Variants in MLLT6 observed in about 807,000 individuals in gnomAD.
The protein encoded by MLLT6 is protein AF-17.
In MLLT6, 22 loss-of-function variants were observed where a neutral mutation model predicts 103.0. The observed-to-expected ratio is 0.21, with a 90% CI of 0.15 to 0.31. The LOEUF (loss-of-function observed/expected upper bound fraction) is 0.31. MLLT6 is among the 10% of genes least tolerant of loss of function. The pLI is 1.00. For synonymous variants in MLLT6, 606 were observed against 623.5 expected (o/e 0.97, Z 0.42); for missense variants, 1,199 against 1,441.7 (o/e 0.83, Z 2.73).
At chr17:38,706,856 T>G (rs1356225633) in intron 1 of MLLT6, 94 bp from the exon 2 acceptor site, 2 of 1,042,398 alleles carry the variant, frequency 1.9e-6, no homozygotes, top group East Asian at 2.6e-5. Context: ...TGGAACTGGC[T>G]CTAGTCCTTT....
intron 6 of MLLT6, among the ~76,000 whole-genome samples, chr17:38,711,566 A>G (rs879643882): frequency 2.6e-5 from 4 of 151,812 alleles, no homozygotes; most frequent in Admixed American, 6.6e-5. Context: ...CCCCAGTCTC[A>G]CCTCCACCTG....
chr17:38,707,944 C>A, intron 4 of MLLT6, 72 bp downstream of exon 4: 1 of 984,830 alleles, frequency 1.0e-6, no homozygotes, highest in Non-Finnish European at 1.6e-6. Context: ...TCTCTTCATC[C>A]GGTGTAATTT....
intron 6 of MLLT6, among the ~76,000 whole-genome samples, chr17:38,710,972 A>T (rs1263367916): frequency 1.3e-5 from 2 of 152,192 alleles, no homozygotes; most frequent in Non-Finnish European, 2.9e-5. Context: ...CTCCAGGCTT[A>T]TAAGGCTGGG....
intron 8 of MLLT6, chr17:38,715,194 G>GT: frequency 6.1e-6 from 1 of 165,254 alleles, no homozygotes; most frequent in South Asian, 1.7e-4. Context: ...GATGGCACCA[G>GT]AGAAGCCCAT....
intron 1 of MLLT6, 80 bp from the exon 2 acceptor site, chr17:38,706,870 G>T (rs1904949800): frequency 1.1e-5 from 14 of 1,245,076 alleles, no homozygotes; most frequent in African/African-American, 1.5e-5. Flanking sequence ...GTCCTTTGGA[G>T]TCACCGCCTT....
chr17:38,724,539 G>A lies in MLLT6; in HGVS notation c.2884-81G>A. ...CCTGATTCCAGTGTGATGGGGTGGG[G>A]CCTGGCCAGGCAGGGCAGGCAGGCA... On this transcript the variant is annotated intron_variant, in intron 18 of 19. Transcript: ENST00000621332. The surrounding 1 kb of genome is among the most constrained non-coding windows in gnomAD (Gnocchi z 5.4). 1 of 1,099,046 alleles carries A rather than the reference G, an allele frequency of 9.1e-7. No homozygotes were observed. Among genetic ancestry groups the A allele is most frequent in the Non-Finnish European group, 1.3e-6 (1 of 767,656 alleles). 68.1% of individuals were successfully genotyped at this position (1,099,046 alleles called of 1,614,324 possible). A position where few individuals can be genotyped will look rare whatever the true frequency, so the allele number is the denominator to read the frequency against.
chr17:38,711,516 T>A (rs2143674201), intron 6 of MLLT6, among the ~76,000 whole-genome samples: 1 of 152,102 alleles, frequency 6.6e-6, no homozygotes, highest in South Asian at 2.1e-4. Flanking sequence ...CGTGGCTCAG[T>A]CAGCCAAGAG....
rs763919952 is a variant in MLLT6, at chr17:38,724,601, C to T, written c.2884-19C>T. 20 of 1,544,506 alleles carry T rather than the reference C, an allele frequency of 1.3e-5. No individual in the cohort carries two copies. The highest frequency in any genetic ancestry group is 4.5e-5 in the East Asian group (2 of 43,982). ...ACCCCCGGGACTGTTGGCCAACAAGCGGTCTGGCCCCCTTGCAGGAACACC... is the reference window on the plus strand; with the variant it reads ...ACCCCCGGGACTGTTGGCCAACAAGTGGTCTGGCCCCCTTGCAGGAACACC... On this transcript the variant is annotated intron_variant, in intron 18 of 19. Coordinates refer to ENST00000621332, the MANE Select transcript of MLLT6 (RefSeq NM_005937.4). The surrounding 1 kb of genome is among the most constrained non-coding windows in gnomAD (Gnocchi z 5.4).
rs1906113182 is a variant in MLLT6, at chr17:38,727,767, C to T, written c.*2169C>T. ...CCAAGATTGTGCCACTGCACTCCAG[C>T]CTGTGTGAGAGAGTGAGACTCTGTC... On this transcript the variant is annotated 3_prime_UTR_variant, in exon 20 of 20. Coordinates refer to ENST00000621332, the MANE Select transcript of MLLT6 (RefSeq NM_005937.4). 1.8e-5 allele frequency: 4 copies of T among 220,214 alleles called. No individual in the cohort carries two copies. In the East Asian group the frequency reaches 2.7e-4, roughly 15 times the overall value. The allele number at this position is 220,214 out of a possible 1,614,324, so 13.6% of individuals were successfully genotyped here. A position where few individuals can be genotyped will look rare whatever the true frequency, so the allele number is the denominator to read the frequency against.
In MLLT6 at chr17:38,724,288, G is replaced by T. The variant is rs1905910189; in HGVS notation, c.2884-332G>T. 1 of 319,330 alleles carries T rather than the reference G, an allele frequency of 3.1e-6. No individual in the cohort carries two copies. Among genetic ancestry groups the T allele is most frequent in the Non-Finnish European group, 5.7e-6 (1 of 175,788 alleles). The allele number at this position is 319,330 out of a possible 1,614,324, so 19.8% of individuals were successfully genotyped here. On this transcript the variant is annotated intron_variant, in intron 18 of 19. Coordinates refer to ENST00000621332, the MANE Select transcript of MLLT6 (RefSeq NM_005937.4). This position sits in a 1 kb window ranked among gnomAD's most constrained non-coding sequence, Gnocchi z 5.4. ...GAAAAGAAAAGAAAAGAAAACTATT[G>T]ACCTAGTTTAGTGTTTTTCAACTTG... is the stretch of plus-strand genomic sequence containing the variant.
In MLLT6 at chr17:38,709,324, G is replaced by A; in HGVS notation, c.458+48G>A. The A allele has an allele frequency of 1.3e-6, 2 of 1,505,112 alleles. No individual in the cohort carries two copies. Among genetic ancestry groups the A allele is most frequent in the Non-Finnish European group, 1.9e-6 (2 of 1,080,842 alleles). 93.2% of individuals were successfully genotyped at this position (1,505,112 alleles called of 1,614,324 possible). A position where few individuals can be genotyped will look rare whatever the true frequency, so the allele number is the denominator to read the frequency against. ...CTGCCCCCCGGGTTTGTCCTGGATG[G>A]CCACTGATCAGGCTCATCCTAGCTG... On this transcript the variant is annotated intron_variant, in intron 5 of 19. Coordinates refer to ENST00000621332, the MANE Select transcript of MLLT6 (RefSeq NM_005937.4). The surrounding 1 kb of genome is among the most constrained non-coding windows in gnomAD (Gnocchi z 4.3).
intron 10 of MLLT6, 27 bp downstream of exon 10, chr17:38,717,008 A>G (rs773727414): frequency 6.2e-7 from 1 of 1,610,152 alleles, no homozygotes; most frequent in South Asian, 1.1e-5. Flanking sequence ...GACAGAGGGC[A>G]TTTCAGGGCC....
rs1189954070 is a variant in MLLT6 at position 38,721,011 on chromosome 17, C to T, written c.2442+264C>T. The T allele has an allele frequency of 4.4e-5, 25 of 562,242 alleles. No homozygotes were observed. In the Admixed American group the frequency reaches 7.4e-4, roughly 17 times the overall value. The allele number at this position is 562,242 out of a possible 1,614,324, so 34.8% of individuals were successfully genotyped here. A position where few individuals can be genotyped will look rare whatever the true frequency, so the allele number is the denominator to read the frequency against. ...CAAGCAAAGAAGGAGTAATCACAAA[C>T]TGGGAGATATGTTAGTGTGGAGAGA... On this transcript the variant is annotated intron_variant, in intron 16 of 19. Transcript: ENST00000621332.
In MLLT6 at chr17:38,708,750, C is replaced by T. The variant is rs145312794; in HGVS notation, c.355-423C>T. 7.0e-3 allele frequency among the ~76,000 whole-genome samples: 1,072 copies of T among 152,194 alleles called. 21 individuals are homozygous for T. Among genetic ancestry groups the T allele is most frequent in the African/African-American group, 0.025 (1,037 of 41,508 alleles). ...ATCTCTAGAAAAATACAAAAATTAG[C>T]TGGGCATGGTGGTGGGCACCTGCAG... is the stretch of plus-strand genomic sequence containing the variant. On this transcript the variant is annotated intron_variant, in intron 4 of 19. Transcript: ENST00000621332.
chr17:38,720,322 C>G (rs1454501636), intron 14 of MLLT6, 50 bp from the exon 15 acceptor site: 1 of 635,204 alleles, frequency 1.6e-6, no homozygotes, highest in East Asian at 3.9e-5. Context: ...GTCCCCTGGC[C>G]CCGCCTCCGC....
In MLLT6 at chr17:38,720,726, C is replaced by T. The variant is rs751046954; in HGVS notation, c.2421C>T (p.Asn807=). 3 of 1,613,864 alleles carry T rather than the reference C, an allele frequency of 1.9e-6. No individual in the cohort carries two copies. The highest frequency in any genetic ancestry group is 1.3e-5 in the African/African-American group (1 of 75,062). ...PPGKSSLGLD[N]SLSTSSEDPH... ...GAAAGAGCAGCCTCGGCCTGGACAA[C>T]TCGCTGTCCACTTCTTCTGAGGTGG... is the stretch of plus-strand genomic sequence containing the variant. Residue 807 remains asparagine (N), a synonymous_variant, in exon 16 of 20, where the codon AAC becomes AAT. Coordinates refer to ENST00000621332, the MANE Select transcript of MLLT6 (RefSeq NM_005937.4).
In MLLT6 at chr17:38,709,457, G is replaced by A. The variant is rs753026609; in HGVS notation, c.459-25G>A. The A allele has an allele frequency of 1.9e-5, 31 of 1,599,250 alleles. No individual in the cohort carries two copies. The highest frequency in any genetic ancestry group is 8.8e-5 in the South Asian group (8 of 90,794). On this transcript the variant is annotated intron_variant, in intron 5 of 19. Coordinates refer to ENST00000621332, the MANE Select transcript of MLLT6 (RefSeq NM_005937.4). This position sits in a 1 kb window ranked among gnomAD's most constrained non-coding sequence, Gnocchi z 4.3. ...GCTCATGTGATCTGTGGCCTCAGCC[G>A]TCTCAGGCTGCCTTCTCTGGTTAGT...
rs752175998 is a variant in MLLT6, at chr17:38,717,504, TCTC to T, written c.1729_1731del (p.Ser578del). 1.2e-6 allele frequency: 2 copies of T among 1,613,062 alleles called. No individual in the cohort carries two copies. Among genetic ancestry groups the T allele is most frequent in the East Asian group, 2.2e-5 (1 of 44,864 alleles). ...CTGCGGGCTGTCTGCAGCACCCCTCTCTCCTCCAGCCTCCTGGGGCCCCCAGGG... is the reference window on the plus strand; with the variant it reads ...CTGCGGGCTGTCTGCAGCACCCCTCTCTCCAGCCTCCTGGGGCCCCCAGGG... On this transcript the variant is annotated inframe_deletion, in exon 11 of 20. Coordinates refer to ENST00000621332, the MANE Select transcript of MLLT6 (RefSeq NM_005937.4).
chr17:38,709,096 A>G lies in MLLT6; in HGVS notation c.355-77A>G, dbSNP rs1385137779. The G allele has an allele frequency of 9.6e-7, 1 of 1,038,202 alleles. No homozygotes were observed. Among genetic ancestry groups the G allele is most frequent in the African/African-American group, 1.6e-5 (1 of 62,818 alleles). 64.3% of individuals were successfully genotyped at this position (1,038,202 alleles called of 1,614,324 possible). On this transcript the variant is annotated intron_variant, in intron 4 of 19. Coordinates refer to ENST00000621332, the MANE Select transcript of MLLT6 (RefSeq NM_005937.4). This position sits in a 1 kb window ranked among gnomAD's most constrained non-coding sequence, Gnocchi z 4.3. ...TCTAAGACTGTAGAGAGCAAATGGA[A>G]TGGAGGGGGTGGCCTAAGGACCATC...
Sources: gnomAD v4.1 joint callset for allele counts (sites outside exome capture counted in the v4.1 genomes callset) on GRCh38, gnomAD v4.1.1 for gene constraint, Gnocchi (gnomAD v3.1) non-coding constraint, MANE v1.5 for transcripts, NCBI Gene and HGNC (gene_info 2026-07-23, HGNC 2026-07-21) for gene names.